The following MTBP variants were observed in gnomAD, a reference collection of about 807,000 sequenced individuals.
The protein encoded by MTBP is mdm2-binding protein.
MTBP carries 101 observed loss-of-function variants against 117.0 expected under a neutral mutation model. The observed-to-expected ratio is 0.86, with a 90% confidence interval of 0.73 to 1.02. The LOEUF (loss-of-function observed/expected upper bound fraction) is 1.02. Among genes scored for constraint, MTBP ranks in the 50% least tolerant of loss-of-function variants. The pLI, the probability that MTBP is intolerant of heterozygous loss-of-function variation, is 0.00. For missense variants in MTBP, 970 were observed against 1,030.9 expected (o/e 0.94, Z 0.81); for synonymous variants, 350 against 351.5 (o/e 1.00, Z 0.05).
chr8:120,517,738 A>G, intron 18 of MTBP, 113 bp from the exon 19 acceptor site: 7 of 1,054,038 alleles, frequency 6.6e-6, no homozygotes, highest in Non-Finnish European at 9.5e-6. Flanking sequence ...ACAGAAAATG[A>G]ACTTCGATGT....
rs767676852 is a variant in MTBP at position 120,451,325 on chromosome 8, A to G, written c.425+3A>G. On this transcript the variant is annotated splice_donor_region_variant and intron_variant, in intron 4 of 21. Transcript: ENST00000305949. ...AGGGAATCATTATCCTTGGCTGAGT[A>G]TGCTTATATGGTTTTTGTATTATCA... is the stretch of plus-strand genomic sequence containing the variant. The G allele has an allele frequency of 1.9e-6, 3 of 1,608,928 alleles. No homozygotes were observed. Among genetic ancestry groups the G allele is most frequent in the South Asian group, 1.1e-5 (1 of 90,898 alleles).
At position 120,470,301 on chromosome 8, in the gene MTBP, T is replaced by A. The variant is rs375878099; in HGVS notation, c.1048-519T>A. Among the ~76,000 whole-genome samples, 111 of 152,352 alleles carry A rather than the reference T, an allele frequency of 7.3e-4. 1 individual carries two copies. The highest frequency in any genetic ancestry group is 2.5e-3 in the African/African-American group (106 of 41,590). On this transcript the variant is annotated intron_variant, in intron 10 of 21. Transcript: ENST00000305949. ...GTATGTTTTCTAGCATATAATTCAT[T>A]GTCTTCTCCTCAGTTTTTACCTATT...
intron 17 of MTBP, among the ~76,000 whole-genome samples, chr8:120,511,710 TTATTA>T (rs1256382819): frequency 1.3e-5 from 2 of 152,184 alleles, no homozygotes; most frequent in African/African-American, 4.8e-5. Context: ...CCTTCTGATT[TTATTA>T]AAGACTTAGA....
intron 8 of MTBP, among the ~76,000 whole-genome samples, chr8:120,459,606 T>C (rs1030889397): frequency 3.3e-5 from 5 of 152,168 alleles, no homozygotes; most frequent in African/African-American, 1.2e-4. Flanking sequence ...GGTTTGGACT[T>C]TACTATGTGA....
intron 11 of MTBP, chr8:120,471,454 C>A (rs541390490): frequency 6.6e-6 from 1 of 152,230 alleles, no homozygotes; most frequent in Non-Finnish European, 1.5e-5. Flanking sequence ...AGGCACCCAC[C>A]ACCATGCCTG....
intron 11 of MTBP, among the ~76,000 whole-genome samples, chr8:120,481,912 A>G (rs1239471226): frequency 6.6e-6 from 1 of 152,132 alleles, no homozygotes; most frequent in Non-Finnish European, 1.5e-5. Flanking sequence ...ACCAGCTACA[A>G]ATTAGAATCA....
At chr8:120,451,120 AT>A (rs761171752) in intron 3 of MTBP, 44 bp downstream of exon 3, 1 of 1,576,882 alleles carries the variant, frequency 6.3e-7, no homozygotes, top group Non-Finnish European at 8.7e-7. Flanking sequence ...GTCTTTACTA[AT>A]ATAAATAATT....
chr8:120,491,662 T>G (rs77902494), intron 13 of MTBP, among the ~76,000 whole-genome samples: 2,085 of 152,364 alleles, frequency 0.014, 42 homozygotes, highest in African/African-American at 0.046. Context: ...TTATTCATTT[T>G]TTAACTTTGC....
chr8:120,511,414 G>C (rs1814806326), intron 17 of MTBP, among the ~76,000 whole-genome samples: 1 of 152,142 alleles, frequency 6.6e-6, no homozygotes, highest in Non-Finnish European at 1.5e-5. Context: ...TCATGCCTCA[G>C]CCTCCCAGGT....
intron 13 of MTBP, among the ~76,000 whole-genome samples, chr8:120,496,785 A>G (rs1039178869): frequency 8.6e-5 from 13 of 151,836 alleles, no homozygotes; most frequent in Admixed American, 3.9e-4. Context: ...AAGGACCTGC[A>G]GTTCTGACTT....
At position 120,484,014 on chromosome 8, in the gene MTBP, C is replaced by T. The variant is rs951278533; in HGVS notation, c.1166-4145C>T. ...TGGAGCAACATTTTTTAAATGACTG[C>T]AGAGTCATTATGGCTAAGAGAGTTG... On this transcript the variant is annotated intron_variant, in intron 11 of 21. Coordinates refer to ENST00000305949, the MANE Select transcript of MTBP (RefSeq NM_022045.5). Among the ~76,000 whole-genome samples, 5 of 152,058 alleles carry T rather than the reference C, an allele frequency of 3.3e-5. No individual in the cohort carries two copies. In the East Asian group the frequency reaches 9.6e-4, roughly 29 times the overall value.
At chr8:120,475,839 T>A (rs1359449552) in intron 11 of MTBP, among the ~76,000 whole-genome samples, 1 of 151,958 alleles carries the variant, frequency 6.6e-6, no homozygotes, top group African/African-American at 2.4e-5. Context: ...CAGAGATATT[T>A]TATGAAATTG....
intron 5 of MTBP, among the ~76,000 whole-genome samples, chr8:120,454,407 C>G (rs4573323): frequency 0.53 from 80,363 of 151,882 alleles, 24,543 homozygotes; most frequent in Non-Finnish European, 0.67. Flanking sequence ...GAAAGAATAC[C>G]TGTGACATAC....
chr8:120,481,344 C>T lies in MTBP; in HGVS notation c.1166-6815C>T, dbSNP rs905105533. Among the ~76,000 whole-genome samples the T allele has an allele frequency of 3.3e-5, 5 of 152,078 alleles. No homozygotes were observed. The South Asian group carries it at 6.2e-4, about 19-fold the overall frequency. ...GATATTTACCCAGGAGAAATGAGAA[C>T]GTATGTTTACACAAAGGCTTATATG... is the stretch of plus-strand genomic sequence containing the variant. On this transcript the variant is annotated intron_variant, in intron 11 of 21. Coordinates refer to ENST00000305949, the MANE Select transcript of MTBP (RefSeq NM_022045.5).
At chr8:120,467,006 C>T (rs1398958310) in intron 10 of MTBP, among the ~76,000 whole-genome samples, 2 of 152,196 alleles carry the variant, frequency 1.3e-5, no homozygotes, top group Admixed American at 1.3e-4. Context: ...GGCCCTTTCT[C>T]AAGAAACTTT....
At chr8:120,459,838 A>G (rs1314491690) in intron 8 of MTBP, among the ~76,000 whole-genome samples, 1 of 152,174 alleles carries the variant, frequency 6.6e-6, no homozygotes, top group Non-Finnish European at 1.5e-5. Flanking sequence ...GTGACATAGT[A>G]CCTGACATAT....
intron 8 of MTBP, among the ~76,000 whole-genome samples, chr8:120,460,708 T>G (rs963867737): frequency 6.6e-6 from 1 of 152,152 alleles, no homozygotes. Flanking sequence ...AGAATTTTTT[T>G]TTTCTAAATG....
At chr8:120,466,114 TTA>T (rs1813684475) in intron 10 of MTBP, among the ~76,000 whole-genome samples, 1 of 152,012 alleles carries the variant, frequency 6.6e-6, no homozygotes, top group African/African-American at 2.4e-5. Flanking sequence ...GCAAAAGGGA[TTA>T]TTTTTGAAGC....
chr8:120,461,754 T>C (rs558538183), intron 9 of MTBP, among the ~76,000 whole-genome samples: 1 of 152,298 alleles, frequency 6.6e-6, no homozygotes, highest in African/African-American at 2.4e-5. Flanking sequence ...TTAATGCTTT[T>C]TGGAAATAAT....
Sources: gnomAD v4.1 joint callset for allele counts (sites outside exome capture counted in the v4.1 genomes callset) on GRCh38, gnomAD v4.1.1 for gene constraint, MANE v1.5 for transcripts, NCBI Gene and HGNC (gene_info 2026-07-23, HGNC 2026-07-21) for gene names.